The following SIK3 variants were observed in gnomAD, a reference collection of about 807,000 sequenced individuals.
SIK3 encodes SIK family kinase 3.
Under a neutral mutation model 144.2 loss-of-function variants are expected in SIK3, and 28 were observed. The ratio of observed to expected loss-of-function variants is 0.19; its 90% CI spans 0.14 to 0.27. SIK3 has a LOEUF of 0.27. Among genes scored for constraint, SIK3 ranks in the 10% least tolerant of loss-of-function variants. The pLI, the probability that SIK3 is intolerant of heterozygous loss-of-function variation, is 1.00. For synonymous variants in SIK3, 686 were observed against 676.3 expected (o/e 1.01, Z -0.22); for missense variants, 1,319 against 1,776.0 (o/e 0.74, Z 4.62).
intron 3 of SIK3, among the ~76,000 whole-genome samples, chr11:116,940,326 T>G (rs1948218699): frequency 6.6e-6 from 1 of 151,582 alleles, no homozygotes; most frequent in African/African-American, 2.4e-5. Context: ...GCCTCCCATA[T>G]TCAAGTGATT....
chr11:117,040,521 G>A (rs1378505838), intron 1 of SIK3, among the ~76,000 whole-genome samples: 2 of 152,064 alleles, frequency 1.3e-5, no homozygotes, highest in East Asian at 3.8e-4. Flanking sequence ...TAACACTATA[G>A]GTATTAGTAC....
chr11:117,081,712 A>G (rs1954798213), intron 1 of SIK3, among the ~76,000 whole-genome samples: 1 of 152,252 alleles, frequency 6.6e-6, no homozygotes, highest in Non-Finnish European at 1.5e-5. Flanking sequence ...GGGAGAAAGT[A>G]CAGAATGAGC....
chr11:117,094,048 A>G (rs1433655707), intron 1 of SIK3, among the ~76,000 whole-genome samples: 2 of 152,148 alleles, frequency 1.3e-5, no homozygotes, highest in East Asian at 1.9e-4. Flanking sequence ...TTTAATCTTC[A>G]TAACACCTAA....
chr11:116,897,901 C>A (rs958848332), intron 4 of SIK3, among the ~76,000 whole-genome samples: 4 of 151,796 alleles, frequency 2.6e-5, no homozygotes, highest in African/African-American at 9.7e-5. Context: ...AAAAAGAATG[C>A]AAATGAAACT....
intron 6 of SIK3, among the ~76,000 whole-genome samples, chr11:116,887,898 AAT>A (rs1379639142): frequency 3.3e-5 from 5 of 152,214 alleles, no homozygotes; most frequent in Non-Finnish European, 5.9e-5. Context: ...CCAACTTGAA[AAT>A]ATATGTCTTT....
At position 116,934,110 on chromosome 11, in the gene SIK3, A is replaced by C. The variant is rs115196588; in HGVS notation, c.455-6730T>G. ...ATTCACTTCCCCTACGCACTTTATC[A>C]TTTTCTAACAAATGACACATTCTAC... On this transcript the variant is annotated intron_variant, in intron 3 of 24. Coordinates refer to ENST00000445177, the MANE Select transcript of SIK3 (RefSeq NM_001366686.3). 7.6e-3 allele frequency among the ~76,000 whole-genome samples: 1,156 copies of C among 152,124 alleles called. 13 individuals carry two copies. The highest frequency in any genetic ancestry group is 0.027 in the African/African-American group (1,112 of 41,502).
chr11:117,077,727 A>C lies in SIK3; in HGVS notation c.273+20416T>G, dbSNP rs558828065. Among the ~76,000 whole-genome samples the C allele has an allele frequency of 3.3e-5, 5 of 152,326 alleles. No individual in the cohort carries two copies. The South Asian group carries it at 1.0e-3, about 32-fold the overall frequency. The stretch of plus-strand genomic sequence containing the variant: ...AGCATTGAGGAAAAAAAAAATTGTA[A>C]TACAACTAAAAGAAAAACAAGCTCA... On this transcript the variant is annotated intron_variant, in intron 1 of 24. Transcript: ENST00000445177.
rs556393417 is a variant in SIK3 at position 116,843,569 on chromosome 11, T to G, written c.*2074A>C. 4.6e-5 allele frequency: 7 copies of G among 152,014 alleles called. No homozygotes were observed. The highest frequency in any genetic ancestry group is 2.6e-4 in the Admixed American group (4 of 15,228). The allele number at this position is 152,014 out of a possible 1,614,324, so 9.4% of individuals were successfully genotyped here. A position where few individuals can be genotyped will look rare whatever the true frequency, so the allele number is the denominator to read the frequency against. ...GGTTACTACAATACAAAGCAATGAG[T>G]TTTTTTTAAAGTGTAGTTTGCAAGA... On this transcript the variant is annotated 3_prime_UTR_variant, in exon 25 of 25. Transcript: ENST00000445177.
chr11:117,015,213 G>A (rs978140413), intron 1 of SIK3, among the ~76,000 whole-genome samples: 1 of 152,086 alleles, frequency 6.6e-6, no homozygotes, highest in African/African-American at 2.4e-5. Context: ...TTGTTAACCA[G>A]AGAAATGCAA....
At position 116,846,509 on chromosome 11, in the gene SIK3, C is replaced by G; in HGVS notation, c.3997G>C (p.Asp1333His). The change falls in exon 24 of 25, where the codon GAT becomes CAT. Residue 1333 changes from aspartate (D) to histidine (H), a missense_variant. Coordinates refer to ENST00000445177, the MANE Select transcript of SIK3 (RefSeq NM_001366686.3). This position sits in a 1 kb window ranked among gnomAD's most constrained non-coding sequence, Gnocchi z 4.1. ...LGGHEHPDLSDGSQHLNSSCY... is the reference protein window; with the variant it reads ...LGGHEHPDLSHGSQHLNSSCY... ...GAGGAGTTTAAATGCTGGCTGCCAT[C>G]ACTCAGGTCTGGGTGCTCATGACCT... 1 of 1,614,210 alleles carries G rather than the reference C, an allele frequency of 6.2e-7. No individual in the cohort carries two copies. The highest frequency in any genetic ancestry group is 8.5e-7 in the Non-Finnish European group (1 of 1,180,032).
rs1946869039 is a variant in SIK3 at position 116,919,959 on chromosome 11, C to T, written c.616+7260G>A. ...CATGCGGGATTTTACCATTCACAGCCTTTAACTGGCCTTCCTATTACCAGG... is the reference window on the plus strand; with the variant it reads ...CATGCGGGATTTTACCATTCACAGCTTTTAACTGGCCTTCCTATTACCAGG... On this transcript the variant is annotated intron_variant, in intron 4 of 24. Coordinates refer to ENST00000445177, the MANE Select transcript of SIK3 (RefSeq NM_001366686.3). Among the ~76,000 whole-genome samples the T allele has an allele frequency of 2.0e-5, 3 of 152,166 alleles. No homozygotes were observed. In the South Asian group the frequency reaches 6.2e-4, roughly 32 times the overall value.
chr11:117,085,391 T>C (rs987644116), intron 1 of SIK3, among the ~76,000 whole-genome samples: 4 of 152,188 alleles, frequency 2.6e-5, no homozygotes, highest in Non-Finnish European at 4.4e-5. Flanking sequence ...CCTCCCAAAG[T>C]GCTGGGATGG....
intron 1 of SIK3, among the ~76,000 whole-genome samples, chr11:116,998,812 T>C (rs1950755689): frequency 6.6e-6 from 1 of 152,194 alleles, no homozygotes; most frequent in Non-Finnish European, 1.5e-5. Flanking sequence ...CATAAATCTA[T>C]AGGAGTACAG....
In SIK3 at chr11:116,844,978, G is replaced by C. The variant is rs1324820280; in HGVS notation, c.*665C>G. On this transcript the variant is annotated 3_prime_UTR_variant, in exon 25 of 25. Coordinates refer to ENST00000445177, the MANE Select transcript of SIK3 (RefSeq NM_001366686.3). The stretch of plus-strand genomic sequence containing the variant: ...TCTTCATATGATCTTGGCTAGGACA[G>C]ACATGTTTTCCGTGGATCCCAGCAG... 1.3e-5 allele frequency: 2 copies of C among 152,058 alleles called. No homozygotes were observed. The highest frequency in any genetic ancestry group is 2.4e-5 in the African/African-American group (1 of 41,400). The allele number at this position is 152,058 out of a possible 1,614,324, so 9.4% of individuals were successfully genotyped here.
intron 1 of SIK3, chr11:117,036,040 T>G: frequency 8.3e-6 from 11 of 1,322,640 alleles, no homozygotes; most frequent in Non-Finnish European, 2.1e-6. Flanking sequence ...GGAGACCCTT[T>G]GCAAGAGGCA....
At chr11:116,864,623 A>T (rs989252819) in intron 15 of SIK3, 1 of 152,274 alleles carries the variant, frequency 6.6e-6, no homozygotes, top group Non-Finnish European at 1.5e-5. Flanking sequence ...TTAGAAGCTA[A>T]CACCTACTCT....
intron 6 of SIK3, among the ~76,000 whole-genome samples, chr11:116,880,582 TATC>T (rs1434087916): frequency 6.6e-6 from 1 of 152,144 alleles, no homozygotes; most frequent in Admixed American, 6.6e-5. Context: ...AAAGCTAGAG[TATC>T]ATCATCAATT....
Position 116,960,362 on chromosome 11 carries a change from C to T in SIK3, c.274-3298G>A, listed in dbSNP as rs1436076234. On this transcript the variant is annotated intron_variant, in intron 1 of 24. Coordinates refer to ENST00000445177, the MANE Select transcript of SIK3 (RefSeq NM_001366686.3). ...GCAACAAAGTGAGACCTCATCTCTA[C>T]AAAAAATAAAAAAATTAGCCAGGTG... Among the ~76,000 whole-genome samples the T allele has an allele frequency of 2.0e-5, 3 of 151,814 alleles. No homozygotes were observed. In the South Asian group the frequency reaches 6.2e-4, roughly 32 times the overall value.
intron 1 of SIK3, among the ~76,000 whole-genome samples, chr11:117,014,949 A>G (rs911597105): frequency 2.6e-5 from 4 of 152,090 alleles, no homozygotes; most frequent in African/African-American, 9.7e-5. Flanking sequence ...CTTTAGTCCC[A>G]GCTACTCAGG....
Sources: allele counts gnomAD v4.1 joint callset (sites outside exome capture counted in the v4.1 genomes callset), GRCh38; gene constraint gnomAD v4.1.1; non-coding constraint Gnocchi (gnomAD v3.1); transcripts MANE v1.5; gene names NCBI Gene and HGNC (gene_info 2026-07-23, HGNC 2026-07-21).